MTCL2: variants seen among roughly 807,000 people sequenced by gnomAD.
The protein encoded by MTCL2 is microtubule cross-linking factor 2.
chr20:36,820,946 G>A, the MTCL2 span, among the ~76,000 whole-genome samples: 80 of 152,340 alleles, frequency 5.3e-4, 1 homozygote, highest in African/African-American at 1.9e-3. Flanking sequence ...GTCAGGCTGA[G>A]GAGTAGAATT....
chr20:36,858,382 CAAG>C, the MTCL2 span, among the ~76,000 whole-genome samples: 1 of 53,998 alleles, frequency 1.9e-5, no homozygotes, highest in African/African-American at 6.8e-5. Flanking sequence ...CTAGAATCAC[CAAG>C]GAGGGAAAAC....
chr20:36,835,137 T>C, the MTCL2 span, among the ~76,000 whole-genome samples: 2 of 152,194 alleles, frequency 1.3e-5, no homozygotes, highest in African/African-American at 4.8e-5. Flanking sequence ...CCATTTTCCA[T>C]GAGGAAACAA....
chr20:36,781,767 T>C, the MTCL2 span: 1 of 151,918 alleles, frequency 6.6e-6, no homozygotes, highest in Non-Finnish European at 1.5e-5. Context: ...AAAGATAGCC[T>C]AATAATCAGG....
At chr20:36,847,853 CAAAAAAAAA>C in the MTCL2 span, among the ~76,000 whole-genome samples, 3 of 83,584 alleles carry the variant, frequency 3.6e-5, no homozygotes, top group African/African-American at 1.4e-4. Flanking sequence ...CAGTCTGACT[CAAAAAAAAA>C]AAAAAAAAAA....
chr20:36,857,592 G>A, the MTCL2 span, among the ~76,000 whole-genome samples: 1 of 152,082 alleles, frequency 6.6e-6, no homozygotes, highest in Non-Finnish European at 1.5e-5. Flanking sequence ...GGCTGCGGCT[G>A]GGACTCAGGG....
the MTCL2 span, among the ~76,000 whole-genome samples, chr20:36,812,229 T>A: frequency 2.0e-5 from 3 of 152,186 alleles, no homozygotes; most frequent in Non-Finnish European, 4.4e-5. Flanking sequence ...TGCCTTAAGC[T>A]ATGGCTTTTC....
chr20:36,850,219 C>T, the MTCL2 span, among the ~76,000 whole-genome samples: 1 of 152,110 alleles, frequency 6.6e-6, no homozygotes, highest in African/African-American at 2.4e-5. Context: ...CTACTCCACA[C>T]CTGTTTCCCA....
chr20:36,843,367 G>A, the MTCL2 span, among the ~76,000 whole-genome samples: 27 of 152,154 alleles, frequency 1.8e-4, no homozygotes, highest in Non-Finnish European at 3.4e-4. Flanking sequence ...TCACAAGCTC[G>A]AGAGGTTTTC....
At chr20:36,806,054 T>C in the MTCL2 span, 1 of 935,732 alleles carries the variant, frequency 1.1e-6, no homozygotes, top group African/African-American at 1.7e-5. Flanking sequence ...CACGGCTGGA[T>C]AGTCAGGCCC....
At chr20:36,829,513 C>CTTTTT in the MTCL2 span, among the ~76,000 whole-genome samples, 15 of 106,506 alleles carry the variant, frequency 1.4e-4, no homozygotes, top group Non-Finnish European at 1.9e-4. Flanking sequence ...TTACCTGAGG[C>CTTTTT]TTTTTTTTTT....
chr20:36,817,306 A>G, the MTCL2 span: 2 of 919,156 alleles, frequency 2.2e-6, no homozygotes, highest in Non-Finnish European at 3.3e-6. Context: ...AAGGAAAATG[A>G]GCAAGGGGAG....
chr20:36,863,014 G>A, the MTCL2 span: 38 of 1,399,660 alleles, frequency 2.7e-5, no homozygotes, highest in Non-Finnish European at 3.5e-5. This position sits in a 1 kb window ranked among gnomAD's most constrained non-coding sequence, Gnocchi z 6.2. Flanking sequence ...GGGGGCGGCG[G>A]TGGCGGTCGC....
At chr20:36,841,871 T>TG in the MTCL2 span, among the ~76,000 whole-genome samples, 67 of 105,766 alleles carry the variant, frequency 6.3e-4, no homozygotes, top group African/African-American at 2.3e-3. Flanking sequence ...GGGTGGGGGG[T>TG]GGGGTGTGTG....
the MTCL2 span, among the ~76,000 whole-genome samples, chr20:36,850,764 T>C: frequency 3.3e-5 from 5 of 152,196 alleles, no homozygotes; most frequent in African/African-American, 1.2e-4. Flanking sequence ...CTGTTTAAAA[T>C]TTTCTCCTGT....
the MTCL2 span, chr20:36,806,059 A>C: frequency 2.4e-6 from 2 of 843,060 alleles, no homozygotes; most frequent in South Asian, 3.6e-5. Context: ...CTGGATAGTC[A>C]GGCCCTCCTA....
At chr20:36,822,919 G>A in the MTCL2 span, among the ~76,000 whole-genome samples, 26 of 152,232 alleles carry the variant, frequency 1.7e-4, no homozygotes, top group Admixed American at 7.2e-4. Flanking sequence ...CACCATATCT[G>A]GCTAATTTTT....
At chr20:36,815,811 A>G in the MTCL2 span, 2 of 1,593,528 alleles carry the variant, frequency 1.3e-6, no homozygotes, top group Non-Finnish European at 1.7e-6. The surrounding 1 kb of genome is among the most constrained non-coding windows in gnomAD (Gnocchi z 5.3). Flanking sequence ...GAACTTGGCC[A>G]GCTCGTTCAG....
At chr20:36,860,324 TC>T in the MTCL2 span, among the ~76,000 whole-genome samples, 78 of 152,284 alleles carry the variant, frequency 5.1e-4, no homozygotes, top group Non-Finnish European at 1.0e-3. Context: ...TGGCAAACTG[TC>T]CCCTTTACCC....
chr20:36,831,248 C>T, the MTCL2 span, among the ~76,000 whole-genome samples: 5 of 152,226 alleles, frequency 3.3e-5, no homozygotes, highest in Non-Finnish European at 7.3e-5. Flanking sequence ...CCATCTTCAC[C>T]CCAATCCTGT....
Sources: allele counts gnomAD v4.1 joint callset (sites outside exome capture counted in the v4.1 genomes callset), GRCh38; gene constraint gnomAD v4.1.1; non-coding constraint Gnocchi (gnomAD v3.1); transcripts MANE v1.5; gene names NCBI Gene and HGNC (gene_info 2026-07-23, HGNC 2026-07-21).